Variants in ANO10 observed in about 807,000 individuals in gnomAD.
The protein encoded by ANO10 is anoctamin 10, also known as anoctamin-10.
A neutral mutation model predicts 74.7 loss-of-function variants in ANO10; 77 were observed. That is an observed-to-expected ratio of 1.03 (90% CI 0.86 to 1.25). The LOEUF is 1.25. Ranked by LOEUF, ANO10 falls within the 50% of genes most tolerant of loss-of-function variation. The pLI is 0.00. For missense variants in ANO10, 721 were observed against 778.1 expected, an observed-to-expected ratio of 0.93 and a Z score of 0.87; for synonymous variants, 279 against 284.9, an observed-to-expected ratio of 0.98 and a Z score of 0.21.
At chr3:43,435,026 C>T (rs2093046165) in intron 11 of ANO10, among the ~76,000 whole-genome samples, 1 of 152,192 alleles carries the variant, frequency 6.6e-6, no homozygotes, top group Non-Finnish European at 1.5e-5. Context: ...ACATGAATTA[C>T]TTTTATATGG....
chr3:43,416,939 CA>C (rs1396175904), intron 12 of ANO10, among the ~76,000 whole-genome samples: 3 of 152,168 alleles, frequency 2.0e-5, no homozygotes, highest in African/African-American at 7.2e-5. Flanking sequence ...TTTATGCCAA[CA>C]AAAACCCTTC....
At chr3:43,604,045 G>A (rs1400536033) in intron 2 of ANO10, among the ~76,000 whole-genome samples, 1 of 152,024 alleles carries the variant, frequency 6.6e-6, no homozygotes, top group Non-Finnish European at 1.5e-5. Context: ...GTCTTCTGCT[G>A]GGGTTGTAGA....
At chr3:43,446,188 G>C (rs2093243629) in intron 11 of ANO10, among the ~76,000 whole-genome samples, 1 of 152,184 alleles carries the variant, frequency 6.6e-6, no homozygotes, top group Non-Finnish European at 1.5e-5. Context: ...AGAGCATGTG[G>C]ATTCAGGAAG....
At chr3:43,611,627 G>A (rs921187396) in intron 1 of ANO10, among the ~76,000 whole-genome samples, 5 of 152,174 alleles carry the variant, frequency 3.3e-5, no homozygotes, top group African/African-American at 1.2e-4. Flanking sequence ...ATGCCACAGT[G>A]AATGGTGTGA....
At chr3:43,595,173 C>T (rs1179739940) in intron 4 of ANO10, among the ~76,000 whole-genome samples, 1 of 152,204 alleles carries the variant, frequency 6.6e-6, no homozygotes, top group Non-Finnish European at 1.5e-5. Context: ...CAGCCGAATT[C>T]TACCAGAGGT....
At position 43,434,657 on chromosome 3, in the gene ANO10, A is replaced by G. The variant is rs372141676; in HGVS notation, c.1798-1930T>C. ...CCTTGGCAGGAATGAAAAAAACAAA[A>G]TATCCTGCTGAGGAAGGACATGCTT... is the stretch of plus-strand genomic sequence containing the variant. On this transcript the variant is annotated intron_variant, in intron 11 of 12. Coordinates refer to ENST00000292246, the MANE Select transcript of ANO10 (RefSeq NM_018075.5). 3.2e-4 allele frequency among the ~76,000 whole-genome samples: 49 copies of G among 152,300 alleles called. No homozygotes were observed. In the South Asian group the frequency reaches 8.9e-3, roughly 28 times the overall value.
chr3:43,628,712 G>GC (rs952638748), intron 1 of ANO10, among the ~76,000 whole-genome samples: 10 of 152,028 alleles, frequency 6.6e-5, no homozygotes, highest in South Asian at 2.1e-4. Flanking sequence ...TCTATAGATG[G>GC]CCCCCCCGGG....
rs372039317 is a variant in ANO10, at chr3:43,406,228, C to T, written c.1914+26383G>A. On this transcript the variant is annotated intron_variant, in intron 12 of 12. Transcript: ENST00000292246. ...GAACAGGCCTCCAGGATGACGCCAG[C>T]CTCCACTCCTGTGGGGCTGTATCTT... 1.1e-3 allele frequency among the ~76,000 whole-genome samples: 167 copies of T among 152,326 alleles called. 1 individual carries two copies. The highest frequency in any genetic ancestry group is 4.0e-3 in the African/African-American group (165 of 41,578).
intron 5 of ANO10, among the ~76,000 whole-genome samples, chr3:43,578,861 A>C (rs887977047): frequency 5.3e-5 from 8 of 151,952 alleles, no homozygotes; most frequent in Admixed American, 4.6e-4. Flanking sequence ...AACAAAGTTA[A>C]ACAGTTGTTA....
rs182678791 is a variant in ANO10 at position 43,448,562 on chromosome 3, T to C, written c.1798-15835A>G. On this transcript the variant is annotated intron_variant, in intron 11 of 12. Transcript: ENST00000292246. ...TAACAGTGATTATTATTCCCTCATA[T>C]AGATGTACAACATAATTTTATCCAA... Among the ~76,000 whole-genome samples, 284 of 152,348 alleles carry C rather than the reference T, an allele frequency of 1.9e-3. 1 individual carries two copies. Among genetic ancestry groups the C allele is most frequent in the African/African-American group, 4.9e-3 (205 of 41,578 alleles).
intron 12 of ANO10, among the ~76,000 whole-genome samples, chr3:43,416,778 T>C (rs557177891): frequency 6.6e-6 from 1 of 152,322 alleles, no homozygotes; most frequent in African/African-American, 2.4e-5. Flanking sequence ...CCCCCATCCA[T>C]TCCCAGCCTC....
At chr3:43,615,905 G>A (rs907507039) in intron 1 of ANO10, among the ~76,000 whole-genome samples, 2 of 151,922 alleles carry the variant, frequency 1.3e-5, no homozygotes, top group Non-Finnish European at 1.5e-5. Context: ...CGCCCGCCTC[G>A]GCCTCCAAAA....
At chr3:43,573,102 T>G (rs1398646237) in intron 7 of ANO10, among the ~76,000 whole-genome samples, 2 of 151,928 alleles carry the variant, frequency 1.3e-5, no homozygotes, top group Non-Finnish European at 1.5e-5. Context: ...TGTTTTTACC[T>G]CTGAGGGAAA....
intron 11 of ANO10, among the ~76,000 whole-genome samples, chr3:43,472,872 C>T (rs1193141059): frequency 6.6e-6 from 1 of 152,078 alleles, no homozygotes; most frequent in Non-Finnish European, 1.5e-5. Context: ...ATGTCTGCAC[C>T]TTACTTTCAA....
chr3:43,589,038 A>G (rs1458084500), intron 4 of ANO10, among the ~76,000 whole-genome samples: 1 of 152,184 alleles, frequency 6.6e-6, no homozygotes, highest in Non-Finnish European at 1.5e-5. Context: ...ACTACAAAAA[A>G]GAAATCTAAG....
intron 11 of ANO10, among the ~76,000 whole-genome samples, chr3:43,539,025 G>A (rs948062639): frequency 2.0e-5 from 3 of 152,112 alleles, no homozygotes; most frequent in African/African-American, 7.2e-5. Context: ...ATGTAAATGG[G>A]CTATAAAGTT....
At chr3:43,562,249 G>C (rs532153928) in intron 8 of ANO10, among the ~76,000 whole-genome samples, 2 of 151,802 alleles carry the variant, frequency 1.3e-5, no homozygotes, top group Non-Finnish European at 2.9e-5. Context: ...TCAGGAGATC[G>C]AGACCATCCT....
intron 11 of ANO10, among the ~76,000 whole-genome samples, chr3:43,544,664 G>A (rs1559675956): frequency 6.6e-6 from 1 of 151,924 alleles, no homozygotes; most frequent in African/African-American, 2.4e-5. Context: ...GTGGTGGTGT[G>A]CACCTGTAAT....
At chr3:43,418,814 A>G (rs1397304097) in intron 12 of ANO10, among the ~76,000 whole-genome samples, 1 of 152,270 alleles carries the variant, frequency 6.6e-6, no homozygotes, top group African/African-American at 2.4e-5. Context: ...GCTTAGAGCT[A>G]AGGCTAAAGA....
Sources: gnomAD v4.1 joint callset for allele counts (sites outside exome capture counted in the v4.1 genomes callset) on GRCh38, gnomAD v4.1.1 for gene constraint, MANE v1.5 for transcripts, NCBI Gene and HGNC (gene_info 2026-07-23, HGNC 2026-07-21) for gene names.